Variants in ACYP2 observed in about 807,000 individuals in gnomAD.
ACYP2 encodes the protein acylphosphatase-2.
A neutral mutation model predicts 11.2 loss-of-function variants in ACYP2; 12 were observed. The observed-to-expected ratio is 1.08, with a 90% CI of 0.69 to 1.74. ACYP2 has a LOEUF of 1.74. Ranked by LOEUF, ACYP2 falls within the 40% of genes most tolerant of loss-of-function variation. The pLI, the probability that ACYP2 is intolerant of heterozygous loss-of-function variation, is 0.00. For synonymous variants in ACYP2, 43 were observed against 32.2 expected (o/e 1.33, Z -1.13); for missense variants, 134 against 101.9 (o/e 1.31, Z -1.35).
intron 4 of ACYP2, among the ~76,000 whole-genome samples, chr2:54,060,092 G>A (rs140385289): frequency 6.6e-6 from 1 of 152,258 alleles, no homozygotes; most frequent in Non-Finnish European, 1.5e-5. Flanking sequence ...GAAATTGTAT[G>A]TCTAAATTGA....
chr2:54,275,793 C>T (rs551413586), intron 6 of ACYP2, among the ~76,000 whole-genome samples: 8 of 152,238 alleles, frequency 5.3e-5, no homozygotes, highest in African/African-American at 1.9e-4. Context: ...TTATAATGAA[C>T]ATCCAAGCCC....
At chr2:54,001,432 C>T (rs894927752) in intron 2 of ACYP2, among the ~76,000 whole-genome samples, 8 of 152,090 alleles carry the variant, frequency 5.3e-5, no homozygotes, top group South Asian at 2.1e-4. Context: ...TTGCTCTTGT[C>T]GCCCAGGTTG....
intron 2 of ACYP2, among the ~76,000 whole-genome samples, chr2:53,988,124 A>C (rs1672118326): frequency 6.6e-6 from 1 of 152,106 alleles, no homozygotes; most frequent in Non-Finnish European, 1.5e-5. Flanking sequence ...CAGTGACTCG[A>C]GAGGCTGAGG....
chr2:53,996,061 G>A (rs780653162), intron 2 of ACYP2, among the ~76,000 whole-genome samples: 2 of 151,862 alleles, frequency 1.3e-5, no homozygotes, highest in Admixed American at 1.3e-4. Context: ...TTGAACCTGG[G>A]AGGTGGAGAT....
In ACYP2 at chr2:54,299,714, G is replaced by A. The variant is rs574511872; in HGVS notation, c.405-4974G>A. Among the ~76,000 whole-genome samples the A allele has an allele frequency of 9.2e-5, 14 of 152,162 alleles. No individual in the cohort carries two copies. The South Asian group carries it at 2.5e-3, about 27-fold the overall frequency. ...AGGCTCACACTCCTTCACCCACTCC[G>A]GGAAACATCTGACTGAATTGTTAAA... On this transcript the variant is annotated intron_variant, in intron 6 of 6. Coordinates refer to ENST00000607452, the MANE Select transcript of ACYP2 (RefSeq NM_001320586.2).
intron 4 of ACYP2, among the ~76,000 whole-genome samples, chr2:54,115,981 G>A (rs1010461644): frequency 6.6e-6 from 1 of 151,974 alleles, no homozygotes; most frequent in Non-Finnish European, 1.5e-5. Context: ...GGGAGCGGGA[G>A]AGGAGGGGTC....
In ACYP2 at chr2:54,028,614, A is replaced by G. The variant is rs1394267130; in HGVS notation, c.63-22344A>G. On this transcript the variant is annotated intron_variant, in intron 2 of 6. Transcript: ENST00000607452. ...GACTGAAGTCTGTCAACACACCTGG[A>G]TGGACAGACTTTTGTCACAAACCAT... Among the ~76,000 whole-genome samples, 5 of 152,220 alleles carry G rather than the reference A, an allele frequency of 3.3e-5. No homozygotes were observed. The East Asian group carries it at 9.6e-4, about 29-fold the overall frequency.
chr2:53,980,495 A>T (rs1160397457), intron 2 of ACYP2, among the ~76,000 whole-genome samples: 1 of 152,078 alleles, frequency 6.6e-6, no homozygotes, highest in Non-Finnish European at 1.5e-5. Flanking sequence ...AGGCAAGAGG[A>T]TTGCTTGAGC....
intron 4 of ACYP2, among the ~76,000 whole-genome samples, chr2:54,057,529 T>C (rs1188965996): frequency 6.6e-6 from 1 of 152,170 alleles, no homozygotes; most frequent in Non-Finnish European, 1.5e-5. Context: ...CTATGTTTGA[T>C]TGATTCAATT....
chr2:54,189,495 C>T (rs757076121), intron 6 of ACYP2, among the ~76,000 whole-genome samples: 1 of 152,120 alleles, frequency 6.6e-6, no homozygotes, highest in Non-Finnish European at 1.5e-5. Flanking sequence ...GGCAGGACCT[C>T]CTCTTTTTTA....
At chr2:54,264,531 GA>G (rs1269405116) in intron 6 of ACYP2, among the ~76,000 whole-genome samples, 1 of 152,234 alleles carries the variant, frequency 6.6e-6, no homozygotes, top group African/African-American at 2.4e-5. Context: ...GACTAGCCAG[GA>G]AGGGCGGAAG....
At chr2:54,180,388 T>C (rs574229242) in intron 6 of ACYP2, among the ~76,000 whole-genome samples, 2 of 152,094 alleles carry the variant, frequency 1.3e-5, no homozygotes, top group African/African-American at 2.4e-5. Context: ...AAACCTGTTA[T>C]CATGCCTTGG....
intron 6 of ACYP2, among the ~76,000 whole-genome samples, chr2:54,213,666 T>C (rs192059243): frequency 6.6e-6 from 1 of 152,340 alleles, no homozygotes; most frequent in East Asian, 1.9e-4. Context: ...TGCATTTCTC[T>C]AATGATTAGT....
At chr2:54,030,945 A>G (rs907894624) in intron 2 of ACYP2, among the ~76,000 whole-genome samples, 8 of 152,074 alleles carry the variant, frequency 5.3e-5, no homozygotes, top group African/African-American at 1.9e-4. Context: ...TGTGCCAATC[A>G]TTGTGTGTGT....
chr2:54,191,771 C>T (rs1323559614), intron 6 of ACYP2, among the ~76,000 whole-genome samples: 1 of 152,160 alleles, frequency 6.6e-6, no homozygotes, highest in Non-Finnish European at 1.5e-5. Context: ...TTTGAATACC[C>T]TCCCTCCCCC....
chr2:54,164,189 G>C (rs1682851135), intron 6 of ACYP2, among the ~76,000 whole-genome samples: 1 of 152,198 alleles, frequency 6.6e-6, no homozygotes, highest in Admixed American at 6.5e-5. Context: ...ATGCTCCATG[G>C]AAGAGAGATG....
chr2:54,112,247 T>C (rs1355786020), intron 4 of ACYP2, among the ~76,000 whole-genome samples: 2 of 152,182 alleles, frequency 1.3e-5, no homozygotes, highest in African/African-American at 4.8e-5. Flanking sequence ...TTAACAGGTT[T>C]TAATTTCAAC....
At chr2:54,274,994 A>G (rs954904217) in intron 6 of ACYP2, among the ~76,000 whole-genome samples, 2 of 152,212 alleles carry the variant, frequency 1.3e-5, no homozygotes, top group African/African-American at 2.4e-5. Flanking sequence ...TCAACCTGAG[A>G]TGGTCCTGAA....
intron 6 of ACYP2, among the ~76,000 whole-genome samples, chr2:54,201,730 G>C (rs1364109546): frequency 9.5e-5 from 12 of 126,188 alleles, no homozygotes; most frequent in South Asian, 7.6e-4. Context: ...TTCTTTTTTT[G>C]AGACAGTCTT....
Sources: gnomAD v4.1 joint callset for allele counts (sites outside exome capture counted in the v4.1 genomes callset) on GRCh38, gnomAD v4.1.1 for gene constraint, MANE v1.5 for transcripts, NCBI Gene and HGNC (gene_info 2026-07-23, HGNC 2026-07-21) for gene names.